The following CACNA1A variants were observed in gnomAD, a reference collection of about 807,000 sequenced individuals.
CACNA1A encodes the protein calcium voltage-gated channel subunit alpha1 A.
Under a neutral mutation model 262.4 loss-of-function variants are expected in CACNA1A, and 57 were observed. The observed-to-expected ratio is 0.22, with a 90% CI of 0.18 to 0.27. The LOEUF (loss-of-function observed/expected upper bound fraction) is 0.27. CACNA1A is among the 10% of genes least tolerant of loss of function. CACNA1A has a pLI of 1.00. For missense variants in CACNA1A, 2,526 were observed against 3,562.8 expected (o/e 0.71, Z 7.41); for synonymous variants, 1,431 against 1,419.3 (o/e 1.01, Z -0.18).
chr19:13,255,323 A>C, intron 28 of CACNA1A, 64 bp from the exon 29 acceptor site: 1 of 1,454,856 alleles, frequency 6.9e-7, no homozygotes. Context: ...TACACCGGGC[A>C]CCCTCTGTCT....
rs142512569 is a variant in CACNA1A at position 13,462,630 on chromosome 19, T to C, written c.294-7418A>G. ...CAACATTTCTACAAGGTGGGTTCTG[T>C]GGTAAGCCTCATTTTCCACACAAGA... On this transcript the variant is annotated intron_variant, in intron 1 of 46. Transcript: ENST00000360228. 1.3e-3 allele frequency among the ~76,000 whole-genome samples: 199 copies of C among 152,322 alleles called. 1 individual carries two copies. Among genetic ancestry groups the C allele is most frequent in the African/African-American group, 4.7e-3 (196 of 41,578 alleles).
chr19:13,399,481 G>A (rs1161123124), intron 3 of CACNA1A, among the ~76,000 whole-genome samples: 1 of 151,114 alleles, frequency 6.6e-6, no homozygotes, highest in African/African-American at 2.4e-5. Flanking sequence ...GAAAGCAGGA[G>A]CAAAATGAAC....
rs16020 is a variant in CACNA1A at position 13,298,896 on chromosome 19, G to C, written c.2737C>G (p.Pro913Ala). ...TCGGCCTCGCCCTCCCAGAACCCGG[G>C]TTGCTCCAGGCTGCCCTCCCGGGCG... is the stretch of plus-strand genomic sequence containing the variant. ...HHAREGSLEQ[P>A]GFWEGEAERG... Residue 913 changes from proline to alanine, a missense_variant, in exon 19 of 47, where the codon CCC (proline) becomes GCC (alanine). Pro to Ala is a conservative substitution (Grantham distance 27). Transcript: ENST00000360228. 4.4e-6 allele frequency: 7 copies of C among 1,594,572 alleles called. No homozygotes were observed. The highest frequency in any genetic ancestry group is 5.9e-6 in the Non-Finnish European group (7 of 1,177,954).
In CACNA1A at chr19:13,212,157, G is replaced by C. The variant is rs1223118795; in HGVS notation, c.6249C>G (p.Pro2083=). 6.2e-7 allele frequency: 1 copy of C among 1,613,840 alleles called. No individual in the cohort carries two copies. Among genetic ancestry groups the C allele is most frequent in the Admixed American group, 1.7e-5 (1 of 60,020 alleles). Residue 2083 remains proline (P), a synonymous_variant, in exon 43 of 47, where the codon CCC becomes CCG. Coordinates refer to ENST00000360228, the MANE Select transcript of CACNA1A (RefSeq NM_001127222.2). The surrounding 1 kb of genome is among the most constrained non-coding windows in gnomAD (Gnocchi z 5.6). ...DGYSDSEHYL[P]MEGQGRAASM... is the part of the protein sequence containing the mutation. Reference sequence around the variant, plus strand: ...AGGCAGCCCGGCCCTGGCCTTCCATGGGGAGGTAGTGCTCGCTGTCGGAGT... The same window carrying C: ...AGGCAGCCCGGCCCTGGCCTTCCATCGGGAGGTAGTGCTCGCTGTCGGAGT...
chr19:13,287,895 T>C (rs2057442502), intron 19 of CACNA1A, among the ~76,000 whole-genome samples: 1 of 151,004 alleles, frequency 6.6e-6, no homozygotes, highest in South Asian at 2.1e-4. Context: ...CTTGAACTTC[T>C]GGGCTCCAGT....
At chr19:13,430,097 G>T (rs1050032329) in intron 3 of CACNA1A, among the ~76,000 whole-genome samples, 1 of 151,932 alleles carries the variant, frequency 6.6e-6, no homozygotes, top group African/African-American at 2.4e-5. Context: ...AAGTTCTGGA[G>T]ATGGATGGCG....
intron 4 of CACNA1A, among the ~76,000 whole-genome samples, chr19:13,369,732 A>G (rs1000741038): frequency 5.9e-5 from 9 of 152,154 alleles, no homozygotes; most frequent in African/African-American, 2.2e-4. Flanking sequence ...TTGAACTCCT[A>G]GCCTCAGGCA....
Position 13,300,641 on chromosome 19 carries a change from C to G in CACNA1A, c.2188G>C (p.Glu730Gln). 2 of 1,613,670 alleles carry G rather than the reference C, an allele frequency of 1.2e-6. No homozygotes were observed. Among genetic ancestry groups the G allele is most frequent in the Non-Finnish European group, 1.7e-6 (2 of 1,179,600 alleles). The change falls in exon 18 of 47, where the codon GAA becomes CAA. Residue 730 changes from glutamate (E) to glutamine (Q), a missense_variant. Glu to Gln is a conservative substitution (Grantham distance 29). Coordinates refer to ENST00000360228, the MANE Select transcript of CACNA1A (RefSeq NM_001127222.2). ...QELTKDEQEE[E>Q]EAANQKLALQ... is the part of the protein sequence containing the mutation. The stretch of plus-strand genomic sequence containing the variant: ...GCAAGTTTCTGGTTCGCTGCTTCTT[C>G]TTCCTCTTGCTCGTCCTAAAAGGCA...
At chr19:13,218,014 G>A (rs374753709) in intron 38 of CACNA1A, among the ~76,000 whole-genome samples, 4 of 144,744 alleles carry the variant, frequency 2.8e-5, no homozygotes, top group African/African-American at 1.0e-4. Context: ...GGCCTCAAAC[G>A]ATCCTCCAGC....
intron 3 of CACNA1A, among the ~76,000 whole-genome samples, chr19:13,395,991 C>A (rs2059804771): frequency 6.6e-6 from 1 of 152,250 alleles, no homozygotes; most frequent in Non-Finnish European, 1.5e-5. Flanking sequence ...CACCGCTGTC[C>A]ATACTTTGTT....
chr19:13,338,550 G>A (rs553239424), intron 6 of CACNA1A, among the ~76,000 whole-genome samples: 1 of 99,936 alleles, frequency 1.0e-5, no homozygotes, highest in African/African-American at 3.6e-5. Flanking sequence ...AGGAGAGAGA[G>A]GATACATGCA....
In CACNA1A at chr19:13,330,307, T is replaced by G; in HGVS notation, c.1282A>C (p.Ser428Arg). The change falls in exon 10 of 47, where the codon AGC (serine) becomes CGC (arginine). Residue 428 changes from serine (S) to arginine (R), a missense_variant. Physicochemically the swap from Ser to Arg is moderately radical, Grantham distance 110 (BLOSUM62 -1). Transcript: ENST00000360228. Reference sequence around the variant, plus strand: ...TCGGGGTTGAGCAAATCTGTCTTGCTTTTCTTTATGGTGGTTCTCCGCAGA... The same window carrying G: ...TCGGGGTTGAGCAAATCTGTCTTGCGTTTCTTTATGGTGGTTCTCCGCAGA... ...DALRRTTIKK[S>R]KTDLLNPEEA... 6.4e-7 allele frequency: 1 copy of G among 1,564,966 alleles called. No individual in the cohort carries two copies. The highest frequency in any genetic ancestry group is 8.7e-7 in the Non-Finnish European group (1 of 1,153,692).
chr19:13,255,765 T>TCCTTCCC (rs1568466583), intron 28 of CACNA1A, among the ~76,000 whole-genome samples: 1 of 71,198 alleles, frequency 1.4e-5, no homozygotes. Context: ...CCCTCCCTCC[T>TCCTTCCC]TCCCTCCCTC....
At chr19:13,210,729 T>G (rs2054781539) in intron 43 of CACNA1A, 77 bp from the exon 44 acceptor site, 14 of 1,371,260 alleles carry the variant, frequency 1.0e-5, no homozygotes, top group Admixed American at 6.1e-5. Flanking sequence ...AGAGGGAGAG[T>G]GAGGAGGTGG....
At chr19:13,467,606 T>C (rs2061272824) in intron 1 of CACNA1A, among the ~76,000 whole-genome samples, 1 of 132,414 alleles carries the variant, frequency 7.6e-6, no homozygotes, top group African/African-American at 3.6e-5. Context: ...CTTTTTCTTT[T>C]CTTTTTTTTT....
At position 13,299,172 on chromosome 19, in the gene CACNA1A, G is replaced by A; in HGVS notation, c.2461C>T (p.Arg821Trp). The change falls in exon 19 of 47, where the codon CGG (arginine) becomes TGG (tryptophan). Residue 821 changes from arginine to tryptophan, a missense_variant. Coordinates refer to ENST00000360228, the MANE Select transcript of CACNA1A (RefSeq NM_001127222.2). Reference sequence around the variant, plus strand: ...TCCTGCGGGTCCACCACCAGCGGCCGGTCCAAGTGCGTCTTCATGTCTGGC... The same window carrying A: ...TCCTGCGGGTCCACCACCAGCGGCCAGTCCAAGTGCGTCTTCATGTCTGGC... Reference protein sequence around the residue: ...LRPDMKTHLDRPLVVDPQENR... With the variant: ...LRPDMKTHLDWPLVVDPQENR... 1 of 1,613,048 alleles carries A rather than the reference G, an allele frequency of 6.2e-7. No individual in the cohort carries two copies. The highest frequency in any genetic ancestry group is 8.5e-7 in the Non-Finnish European group (1 of 1,179,890).
chr19:13,296,147 C>T (rs2057662327), intron 19 of CACNA1A, among the ~76,000 whole-genome samples: 1 of 152,190 alleles, frequency 6.6e-6, no homozygotes, highest in African/African-American at 2.4e-5. Context: ...TAGTATCAGC[C>T]TCATCTGGGA....
intron 3 of CACNA1A, among the ~76,000 whole-genome samples, chr19:13,442,125 C>T (rs934997438): frequency 3.9e-5 from 6 of 152,028 alleles, no homozygotes. Flanking sequence ...CTTGAGTTAG[C>T]GCCGAGTAGA....
At chr19:13,420,214 T>G (rs2060296325) in intron 3 of CACNA1A, among the ~76,000 whole-genome samples, 1 of 151,714 alleles carries the variant, frequency 6.6e-6, no homozygotes, top group South Asian at 2.1e-4. Flanking sequence ...TATGTGGAAT[T>G]CAGCTGCATC....
Sources: gnomAD v4.1 joint callset for allele counts (sites outside exome capture counted in the v4.1 genomes callset) on GRCh38, gnomAD v4.1.1 for gene constraint, Gnocchi (gnomAD v3.1) non-coding constraint, MANE v1.5 for transcripts, NCBI Gene and HGNC (gene_info 2026-07-23, HGNC 2026-07-21) for gene names.